Variants in THSD7B observed in about 807,000 individuals in gnomAD.
THSD7B encodes the protein thrombospondin type-1 domain-containing protein 7B.
In THSD7B, 138 loss-of-function variants were observed where a neutral mutation model predicts 213.6. The observed-to-expected ratio is 0.65, with a 90% CI of 0.56 to 0.74. The LOEUF (loss-of-function observed/expected upper bound fraction) is 0.74. Among genes scored for constraint, THSD7B ranks in the 30% least tolerant of loss-of-function variants. The pLI, the probability that THSD7B is intolerant of heterozygous loss-of-function variation, is 0.00. For synonymous variants in THSD7B, 742 were observed against 687.0 expected (o/e 1.08, Z -1.25); for missense variants, 1,931 against 1,991.5 (o/e 0.97, Z 0.58).
chr2:137,103,313 C>A (rs1171023319), intron 4 of THSD7B, among the ~76,000 whole-genome samples: 7 of 152,136 alleles, frequency 4.6e-5, no homozygotes, highest in African/African-American at 1.4e-4. Context: ...AAATAAAATC[C>A]TTTACAGACA....
rs138639014 is a variant in THSD7B at position 136,875,413 on chromosome 2, C to T, written c.-35-6731C>T. Among the ~76,000 whole-genome samples the T allele has an allele frequency of 7.1e-3, 1,075 of 152,228 alleles. 9 individuals are homozygous for T. The highest frequency in any genetic ancestry group is 0.024 in the African/African-American group (1,003 of 41,526). On this transcript the variant is annotated intron_variant, in intron 1 of 27. Transcript: ENST00000409968. ...CTCCAGCCTGAGTGACAGAGCGAGACTGTCAAAAAATAAATAAAGAAAGAA... is the reference window on the plus strand; with the variant it reads ...CTCCAGCCTGAGTGACAGAGCGAGATTGTCAAAAAATAAATAAAGAAAGAA...
chr2:137,054,378 A>G (rs1309463545), intron 2 of THSD7B, among the ~76,000 whole-genome samples: 1 of 152,224 alleles, frequency 6.6e-6, no homozygotes, highest in Non-Finnish European at 1.5e-5. Flanking sequence ...TGCTATTGCC[A>G]AGAATGCCAG....
intron 15 of THSD7B, among the ~76,000 whole-genome samples, chr2:137,526,569 G>A (rs13427894): frequency 0.2 from 30,385 of 151,724 alleles, 3,165 homozygotes; most frequent in South Asian, 0.28. Context: ...CCACAGGTGC[G>A]TACCACCACA....
chr2:137,227,960 ATCC>A (rs112719380), intron 7 of THSD7B, among the ~76,000 whole-genome samples: 1,764 of 152,256 alleles, frequency 0.012, 24 homozygotes, highest in African/African-American at 0.041. Flanking sequence ...GAATAAATGA[ATCC>A]TAATCCTTAG....
At chr2:136,784,720 A>T (rs188488879) in intron 1 of THSD7B, among the ~76,000 whole-genome samples, 2 of 152,358 alleles carry the variant, frequency 1.3e-5, no homozygotes, top group East Asian at 1.9e-4. Flanking sequence ...AATTGTCATC[A>T]TGATGAAATA....
At chr2:136,990,699 C>G (rs916247659) in intron 2 of THSD7B, among the ~76,000 whole-genome samples, 1 of 152,144 alleles carries the variant, frequency 6.6e-6, no homozygotes, top group Admixed American at 6.5e-5. Flanking sequence ...CAGCTTTCTA[C>G]ATTAAATACA....
intron 12 of THSD7B, among the ~76,000 whole-genome samples, chr2:137,290,675 C>T (rs1683312335): frequency 1.3e-5 from 2 of 152,094 alleles, no homozygotes; most frequent in South Asian, 4.2e-4. Context: ...TTAGAATTTT[C>T]CCCTGCTGAA....
intron 2 of THSD7B, among the ~76,000 whole-genome samples, chr2:137,031,079 C>T (rs1279871224): frequency 6.6e-6 from 1 of 152,126 alleles, no homozygotes; most frequent in Non-Finnish European, 1.5e-5. Context: ...TGCAGTAGCT[C>T]ATGCCTATAA....
At chr2:137,056,252 A>C (rs1687160781) in intron 2 of THSD7B, among the ~76,000 whole-genome samples, 168 bp from the exon 3 acceptor site, 1 of 152,244 alleles carries the variant, frequency 6.6e-6, no homozygotes, top group Non-Finnish European at 1.5e-5. Flanking sequence ...TGCTTATTTC[A>C]ACAAGAGTGT....
At chr2:137,308,872 A>G (rs1246628470) in intron 12 of THSD7B, among the ~76,000 whole-genome samples, 1 of 152,032 alleles carries the variant, frequency 6.6e-6, no homozygotes, top group African/African-American at 2.4e-5. Flanking sequence ...GTCCTTATTT[A>G]TTGGTACAAA....
chr2:136,937,986 T>C (rs1051230828), intron 2 of THSD7B, among the ~76,000 whole-genome samples: 7 of 152,196 alleles, frequency 4.6e-5, no homozygotes, highest in Non-Finnish European at 8.8e-5. Flanking sequence ...ATCCTATTTT[T>C]GTACAGGTTC....
chr2:136,794,564 G>T (rs1558807339), intron 1 of THSD7B, among the ~76,000 whole-genome samples: 1 of 151,776 alleles, frequency 6.6e-6, no homozygotes, highest in Non-Finnish European at 1.5e-5. Context: ...TGCATAATCT[G>T]TATGATTCAA....
intron 17 of THSD7B, among the ~76,000 whole-genome samples, chr2:137,572,914 G>A (rs1373067829): frequency 6.6e-6 from 1 of 151,864 alleles, no homozygotes; most frequent in Non-Finnish European, 1.5e-5. Flanking sequence ...TTTTTATCCT[G>A]GCAGAATCAA....
At chr2:137,444,371 C>T (rs1003995971) in intron 14 of THSD7B, among the ~76,000 whole-genome samples, 1 of 152,134 alleles carries the variant, frequency 6.6e-6, no homozygotes, top group Admixed American at 6.5e-5. Flanking sequence ...GATCTAACTT[C>T]TCAAATTGTC....
At chr2:137,427,902 A>C (rs368402687) in intron 14 of THSD7B, among the ~76,000 whole-genome samples, 17 of 152,170 alleles carry the variant, frequency 1.1e-4, no homozygotes, top group African/African-American at 3.9e-4. Flanking sequence ...GTTGGAAATC[A>C]TTTTGTAGTA....
intron 2 of THSD7B, among the ~76,000 whole-genome samples, chr2:136,984,943 G>T (rs1685645902): frequency 6.6e-6 from 1 of 152,142 alleles, no homozygotes; most frequent in Non-Finnish European, 1.5e-5. Flanking sequence ...CCTTGTGTTT[G>T]TGCCCTAGGG....
intron 6 of THSD7B, among the ~76,000 whole-genome samples, chr2:137,163,395 G>C (rs915511187): frequency 1.3e-4 from 20 of 152,164 alleles, no homozygotes; most frequent in African/African-American, 4.8e-4. Flanking sequence ...TCCAGTGACT[G>C]GTGTTCTTGC....
intron 20 of THSD7B, among the ~76,000 whole-genome samples, chr2:137,636,303 T>C (rs1248631840): frequency 6.6e-6 from 1 of 152,096 alleles, no homozygotes; most frequent in Non-Finnish European, 1.5e-5. Context: ...CAATATGGAG[T>C]GATCTTCACA....
intron 2 of THSD7B, among the ~76,000 whole-genome samples, chr2:137,055,131 A>G (rs959104045): frequency 1.3e-5 from 2 of 152,158 alleles, no homozygotes; most frequent in African/African-American, 2.4e-5. Flanking sequence ...TTATGGCTGC[A>G]TAGTATTCCA....
Sources: gnomAD v4.1 joint callset for allele counts (sites outside exome capture counted in the v4.1 genomes callset) on GRCh38, gnomAD v4.1.1 for gene constraint, MANE v1.5 for transcripts, NCBI Gene and HGNC (gene_info 2026-07-23, HGNC 2026-07-21) for gene names.